Variants in DNAAF9 observed in about 807,000 individuals in gnomAD.
The protein encoded by DNAAF9 is dynein axonemal assembly factor 9.
Under a neutral mutation model 167.0 loss-of-function variants are expected in DNAAF9, and 90 were observed. That is an observed-to-expected ratio of 0.54 (90% CI 0.45 to 0.64). The LOEUF (loss-of-function observed/expected upper bound fraction) is 0.64. DNAAF9 is among the 30% of genes least tolerant of loss of function. DNAAF9 has a pLI of 0.00. For missense variants in DNAAF9, 1,315 were observed against 1,442.2 expected (o/e 0.91, Z 1.43); for synonymous variants, 491 against 508.8 (o/e 0.96, Z 0.47).
At chr20:3,328,667 G>T (rs2069761671) in intron 12 of DNAAF9, among the ~76,000 whole-genome samples, 1 of 152,108 alleles carries the variant, frequency 6.6e-6, no homozygotes, top group South Asian at 2.1e-4. Flanking sequence ...AAGCAGCGCT[G>T]GCACAGAAGT....
chr20:3,260,767 T>C (rs2068371411), intron 31 of DNAAF9, among the ~76,000 whole-genome samples: 1 of 152,044 alleles, frequency 6.6e-6, no homozygotes, highest in South Asian at 2.1e-4. Flanking sequence ...GTAGCTGGGA[T>C]CACAGGCGTG....
chr20:3,308,205 T>C (rs1276415688), intron 20 of DNAAF9, among the ~76,000 whole-genome samples: 1 of 152,196 alleles, frequency 6.6e-6, no homozygotes, highest in Non-Finnish European at 1.5e-5. Flanking sequence ...TGTGTTTTTA[T>C]ATAAATGAAA....
chr20:3,388,228 T>C (rs1479185256), intron 1 of DNAAF9, among the ~76,000 whole-genome samples: 1 of 152,182 alleles, frequency 6.6e-6, no homozygotes, highest in Non-Finnish European at 1.5e-5. Flanking sequence ...GTATGGCTAC[T>C]ATCAAAAAAC....
intron 7 of DNAAF9, among the ~76,000 whole-genome samples, chr20:3,351,720 G>C (rs2875862): frequency 6.6e-6 from 1 of 152,130 alleles, no homozygotes; most frequent in African/African-American, 2.4e-5. Context: ...TAGAATTCAC[G>C]ATAGTGTTAT....
intron 7 of DNAAF9, among the ~76,000 whole-genome samples, chr20:3,351,414 G>A (rs1296730532): frequency 6.6e-6 from 1 of 152,016 alleles, no homozygotes; most frequent in Non-Finnish European, 1.5e-5. Flanking sequence ...AACCTAGGAG[G>A]TGGAGGCTGG....
In DNAAF9 at chr20:3,259,519, C is replaced by T. The variant is rs1202235778; in HGVS notation, c.3016G>A (p.Gly1006Arg). The T allele has an allele frequency of 1.2e-5, 20 of 1,613,016 alleles. No individual in the cohort carries two copies. Among genetic ancestry groups the T allele is most frequent in the East Asian group, 4.5e-5 (2 of 44,864 alleles). The change falls in exon 33 of 37, where the codon GGA becomes AGA. Residue 1006 changes from glycine to arginine, a missense_variant. Physicochemically the swap from Gly to Arg is moderately radical, Grantham distance 125. Around this residue, in one of 2 missense-constraint regions of DNAAF9, gnomAD observed 334 missense variants for 429.7 expected, o/e 0.78. Transcript: ENST00000252032. ...TTGCCCAGGATGTGGTAGATGTTTC[C>T]GGAGAAGGGACTTGGCTTGATGGAG... ...QSSIKPSPFSGNIYHILGKVK... is the reference protein window; with the variant it reads ...QSSIKPSPFSRNIYHILGKVK...
chr20:3,407,408 C>T, intron 1 of DNAAF9, 67 bp downstream of exon 1: 1 of 1,185,348 alleles, frequency 8.4e-7, no homozygotes, highest in Non-Finnish European at 1.1e-6. Context: ...CGGCGGGAGG[C>T]GTCGCCGGAC....
At chr20:3,394,919 C>T (rs1056265414) in intron 1 of DNAAF9, among the ~76,000 whole-genome samples, 39 of 141,396 alleles carry the variant, frequency 2.8e-4, no homozygotes, top group Non-Finnish European at 4.0e-4. Context: ...TTCAAAGATT[C>T]CATGGCTTTT....
chr20:3,313,588 A>T (rs2069450950), intron 20 of DNAAF9, among the ~76,000 whole-genome samples: 1 of 152,216 alleles, frequency 6.6e-6, no homozygotes, highest in African/African-American at 2.4e-5. Context: ...TATTTTGAGG[A>T]AGCCAAAGAG....
At chr20:3,293,294 A>G (rs1307642286) in intron 25 of DNAAF9, among the ~76,000 whole-genome samples, 9 of 140,800 alleles carry the variant, frequency 6.4e-5, no homozygotes, top group Middle Eastern at 3.7e-3. Context: ...CTCCGTCTCA[A>G]AAAAAAAAAA....
At chr20:3,353,337 T>C (rs941367746) in intron 7 of DNAAF9, among the ~76,000 whole-genome samples, 1 of 151,930 alleles carries the variant, frequency 6.6e-6, no homozygotes, top group Non-Finnish European at 1.5e-5. Flanking sequence ...ATGCTTCACT[T>C]TGTGAGACTT....
chr20:3,255,666 G>C (rs1035061912), intron 34 of DNAAF9, among the ~76,000 whole-genome samples: 1 of 152,198 alleles, frequency 6.6e-6, no homozygotes, highest in Non-Finnish European at 1.5e-5. Context: ...CATAAAGACA[G>C]GTCCCTAGTG....
chr20:3,372,810 G>A (rs1263176754), intron 6 of DNAAF9, among the ~76,000 whole-genome samples: 1 of 142,422 alleles, frequency 7.0e-6, no homozygotes, highest in Admixed American at 7.0e-5. Context: ...ACCTCAGAGG[G>A]TTACTATAAG....
chr20:3,382,467 C>G lies in DNAAF9; in HGVS notation c.123G>C (p.Gln41His). The G allele has an allele frequency of 6.2e-7, 1 of 1,613,982 alleles. No individual in the cohort carries two copies. Among genetic ancestry groups the G allele is most frequent in the Non-Finnish European group, 8.5e-7 (1 of 1,179,876 alleles). ...TCCCATCCGGCCGAGACTTGCTGCT[C>G]TGGGTCAGGATGCTCTGAACCTGCC... ...RLRQVQSILTQSSKSRPDGIL... is the reference protein window; with the variant it reads ...RLRQVQSILTHSSKSRPDGIL... Residue 41 changes from glutamine to histidine, a missense_variant, in exon 2 of 37, where the codon CAG becomes CAC. Gln to His is a conservative substitution (Grantham distance 24). Transcript: ENST00000252032.
At chr20:3,259,401 C>G in intron 33 of DNAAF9, 79 bp downstream of exon 33, 1 of 934,592 alleles carries the variant, frequency 1.1e-6, no homozygotes. Flanking sequence ...CTGCAGAGCA[C>G]CAGCAGAGGC....
chr20:3,345,080 A>C (rs150488900), intron 8 of DNAAF9, among the ~76,000 whole-genome samples: 17 of 152,204 alleles, frequency 1.1e-4, no homozygotes, highest in Non-Finnish European at 2.1e-4. Flanking sequence ...GTGCAGTGGC[A>C]TGATTTCAGC....
In DNAAF9 at chr20:3,320,735, T is replaced by C. The variant is rs367947405; in HGVS notation, c.1356+1482A>G. The stretch of plus-strand genomic sequence containing the variant: ...ATTACCCTTGTTGTGCTATTCTCTG[T>C]AGATAGGTTAACACTACTGACAGGA... On this transcript the variant is annotated intron_variant, in intron 16 of 36. Transcript: ENST00000252032. Among the ~76,000 whole-genome samples the C allele has an allele frequency of 1.2e-4, 18 of 152,348 alleles. No homozygotes were observed. In the East Asian group the frequency reaches 2.3e-3, roughly 20 times the overall value.
intron 1 of DNAAF9, among the ~76,000 whole-genome samples, chr20:3,388,895 G>C (rs1042139588): frequency 9.2e-5 from 14 of 152,258 alleles, no homozygotes; most frequent in Middle Eastern, 3.4e-3. Context: ...CAATGTGAAT[G>C]TCCTTAGTGC....
intron 1 of DNAAF9, among the ~76,000 whole-genome samples, chr20:3,403,112 C>T (rs532394558): frequency 2.6e-5 from 4 of 152,098 alleles, no homozygotes; most frequent in Admixed American, 6.5e-5. Flanking sequence ...ATCTTTACCT[C>T]TCAGTGCCTT....
Sources: allele counts gnomAD v4.1 joint callset (sites outside exome capture counted in the v4.1 genomes callset), GRCh38; gene constraint gnomAD v4.1.1; regional missense constraint gnomAD v4.1.1; transcripts MANE v1.5; gene names NCBI Gene and HGNC (gene_info 2026-07-23, HGNC 2026-07-21).